NPLOC4: variants seen among roughly 807,000 people sequenced by gnomAD.
The protein encoded by NPLOC4 is NPL4 homolog, ubiquitin recognition factor.
Under a neutral mutation model 80.6 loss-of-function variants are expected in NPLOC4, and 18 were observed. The ratio of observed to expected loss-of-function variants is 0.22; its 90% CI spans 0.15 to 0.33. The LOEUF (loss-of-function observed/expected upper bound fraction) is 0.33, where lower values mean the gene tolerates loss of function less well. NPLOC4 is among the 10% of genes least tolerant of loss of function. The pLI, the probability that NPLOC4 is intolerant of heterozygous loss-of-function variation, is 1.00. For missense variants in NPLOC4, 540 were observed against 786.1 expected (o/e 0.69, Z 3.74); for synonymous variants, 313 against 301.5 (o/e 1.04, Z -0.39).
chr17:81,606,870 C>A (rs2035217792), intron 6 of NPLOC4, 56 bp from the exon 7 acceptor site: 2 of 1,531,656 alleles, frequency 1.3e-6, no homozygotes, highest in Non-Finnish European at 1.8e-6. Context: ...GAGCAAGAGG[C>A]TGGAAATGAC....
chr17:81,592,846 T>C (rs1340525312), intron 11 of NPLOC4, among the ~76,000 whole-genome samples: 1 of 152,136 alleles, frequency 6.6e-6, no homozygotes, highest in African/African-American at 2.4e-5. Flanking sequence ...TGGCCGGGTG[T>C]GTTGGCATGC....
intron 8 of NPLOC4, among the ~76,000 whole-genome samples, chr17:81,602,940 T>C (rs1459123231): frequency 6.7e-6 from 1 of 149,832 alleles, no homozygotes; most frequent in Admixed American, 6.7e-5. Flanking sequence ...CACATATATA[T>C]ATACACACAC....
chr17:81,619,334 G>A (rs1282660402), intron 3 of NPLOC4, among the ~76,000 whole-genome samples: 2 of 151,560 alleles, frequency 1.3e-5, no homozygotes, highest in Non-Finnish European at 2.9e-5. Context: ...CTGAAATCGC[G>A]CCACTGGACT....
At chr17:81,617,531 C>A (rs1322012540) in intron 3 of NPLOC4, among the ~76,000 whole-genome samples, 1 of 152,116 alleles carries the variant, frequency 6.6e-6, no homozygotes, top group Non-Finnish European at 1.5e-5. Flanking sequence ...AAAATTAGGC[C>A]GGGCACAGTG....
chr17:81,559,000 C>A lies in NPLOC4; in HGVS notation c.*259G>T. The A allele has an allele frequency of 4.7e-6, 2 of 421,436 alleles. No homozygotes were observed. Among genetic ancestry groups the A allele is most frequent in the South Asian group, 4.6e-5 (1 of 21,760 alleles). The allele number at this position is 421,436 out of a possible 1,614,324, so 26.1% of individuals were successfully genotyped here. A position where few individuals can be genotyped will look rare whatever the true frequency, so the allele number is the denominator to read the frequency against. ...TCCAACACGGCGGGGGACTTGTCAA[C>A]AGGATTAGGCGTGAGGAGCCGCTCT... On this transcript the variant is annotated 3_prime_UTR_variant, in exon 17 of 17. Coordinates refer to ENST00000331134, the MANE Select transcript of NPLOC4 (RefSeq NM_017921.4).
At chr17:81,559,791 G>A (rs868749986) in intron 16 of NPLOC4, among the ~76,000 whole-genome samples, 1 of 144,970 alleles carries the variant, frequency 6.9e-6, no homozygotes, top group Non-Finnish European at 1.5e-5. Context: ...GGAGTGCAGT[G>A]GCACGATCTC....
chr17:81,577,748 A>G lies in NPLOC4; in HGVS notation c.1282-5660T>C, dbSNP rs2034339792. On this transcript the variant is annotated intron_variant, in intron 12 of 16. Coordinates refer to ENST00000331134, the MANE Select transcript of NPLOC4 (RefSeq NM_017921.4). The surrounding 1 kb of genome is among the most constrained non-coding windows in gnomAD (Gnocchi z 4.3). ...ATGGCTCTACTCTGGCACCAGTGCC[A>G]ACCCTGCTCCCCAAAACCAGGAACC... Among the ~76,000 whole-genome samples the G allele has an allele frequency of 6.6e-6, 1 of 152,164 alleles. No individual in the cohort carries two copies. The highest frequency in any genetic ancestry group is 1.5e-5 in the Non-Finnish European group (1 of 68,026).
intron 4 of NPLOC4, among the ~76,000 whole-genome samples, chr17:81,611,261 G>A (rs112364254): frequency 0.27 from 40,624 of 151,936 alleles, 6,452 homozygotes; most frequent in Non-Finnish European, 0.36. Flanking sequence ...CAAAGGTTGC[G>A]ATGAGCTGAG....
In NPLOC4 at chr17:81,580,971, C is replaced by T. The variant is rs1034675090; in HGVS notation, c.1281+7973G>A. ...AGACATGGCATGGAAGTACAAAATCCCCAGTGGCCCTGGGCCAGCCCACCC... is the reference window on the plus strand; with the variant it reads ...AGACATGGCATGGAAGTACAAAATCTCCAGTGGCCCTGGGCCAGCCCACCC... On this transcript the variant is annotated intron_variant, in intron 12 of 16. Coordinates refer to ENST00000331134, the MANE Select transcript of NPLOC4 (RefSeq NM_017921.4). This position sits in a 1 kb window ranked among gnomAD's most constrained non-coding sequence, Gnocchi z 4.4. Among the ~76,000 whole-genome samples the T allele has an allele frequency of 2.0e-5, 3 of 152,170 alleles. No individual in the cohort carries two copies. The highest frequency in any genetic ancestry group is 6.5e-5 in the Admixed American group (1 of 15,280).
chr17:81,609,890 G>C (rs562089363), intron 5 of NPLOC4, among the ~76,000 whole-genome samples: 8 of 152,304 alleles, frequency 5.3e-5, no homozygotes, highest in Middle Eastern at 3.4e-3. Context: ...ACAATGATAA[G>C]CACGGAGGCC....
chr17:81,606,848 T>C, intron 6 of NPLOC4, 34 bp from the exon 7 acceptor site: 1 of 1,595,338 alleles, frequency 6.3e-7, no homozygotes. Context: ...AACATCACAT[T>C]GGTGAAAAGT....
At chr17:81,605,239 C>A (rs1418856458) in intron 7 of NPLOC4, among the ~76,000 whole-genome samples, 3 of 149,938 alleles carry the variant, frequency 2.0e-5, no homozygotes, top group African/African-American at 7.4e-5. Context: ...TGAGATGGCG[C>A]CACTGCACTC....
rs148815976 is a variant in NPLOC4, at chr17:81,611,937, G to A, written c.386+1381C>T. On this transcript the variant is annotated intron_variant, in intron 4 of 16. Coordinates refer to ENST00000331134, the MANE Select transcript of NPLOC4 (RefSeq NM_017921.4). ...GTCGCGCCACTGCACTCCAGCCTGG[G>A]TGACAGAGCGAGAGTCCATCTCAAA... 6.4e-3 allele frequency among the ~76,000 whole-genome samples: 936 copies of A among 146,536 alleles called. 12 individuals carry two copies. The highest frequency in any genetic ancestry group is 0.022 in the African/African-American group (874 of 39,162).
At position 81,589,081 on chromosome 17, in the gene NPLOC4, A is replaced by G; in HGVS notation, c.1144T>C (p.Phe382Leu). The change falls in exon 12 of 17, where the codon TTT (phenylalanine) becomes CTT (leucine). Residue 382 changes from phenylalanine to leucine, a missense_variant. Transcript: ENST00000331134. ...TGATTGGACACCTGGTACCCTTCAA[A>G]GTGGACTTGGTTGTCAGGACCACCT... ...ATGGPDNQVHFEGYQVSNQCM... is the reference protein window; with the variant it reads ...ATGGPDNQVHLEGYQVSNQCM... 1 of 1,613,194 alleles carries G rather than the reference A, an allele frequency of 6.2e-7. No homozygotes were observed.
At chr17:81,595,363 G>A (rs372168431) in intron 11 of NPLOC4, among the ~76,000 whole-genome samples, 1 of 150,248 alleles carries the variant, frequency 6.7e-6, no homozygotes, top group Non-Finnish European at 1.5e-5. Flanking sequence ...GAACCCAGGA[G>A]GCGGACGTTG....
rs115037544 is a variant in NPLOC4, at chr17:81,592,223, G to A, written c.1121-3119C>T. Among the ~76,000 whole-genome samples, 1,403 of 152,290 alleles carry A rather than the reference G, an allele frequency of 9.2e-3. 21 individuals are homozygous for A. The highest frequency in any genetic ancestry group is 0.031 in the African/African-American group (1,307 of 41,566). ...TCCTGTCTAAGGAGGGATGTGGGAC[G>A]GGAATGCAACAAGTACAATTTCCAA... On this transcript the variant is annotated intron_variant, in intron 11 of 16. Coordinates refer to ENST00000331134, the MANE Select transcript of NPLOC4 (RefSeq NM_017921.4).
At position 81,604,642 on chromosome 17, in the gene NPLOC4, T is replaced by C; in HGVS notation, c.740A>G (p.Gln247Arg). The change falls in exon 8 of 17, where the codon CAG (glutamine) becomes CGG (arginine). Residue 247 changes from glutamine (Q) to arginine (R), a missense_variant. By Grantham distance (43) the Gln-to-Arg change is conservative. Around this residue, in one of 6 missense-constraint regions of NPLOC4, gnomAD observed 61 missense variants for 156.7 expected, o/e 0.39. Transcript: ENST00000331134. Reference protein sequence around the residue: ...FLDFWRKTGNQHFGYLYGRYT... With the variant: ...FLDFWRKTGNRHFGYLYGRYT... Reference sequence around the variant, plus strand: ...CCGTCCGTATAAGTACCCAAAATGCTGGTTCCCTGTCTTTCTCCAGAAGTC... The same window carrying C: ...CCGTCCGTATAAGTACCCAAAATGCCGGTTCCCTGTCTTTCTCCAGAAGTC... The C allele has an allele frequency of 6.2e-7, 1 of 1,613,988 alleles. No homozygotes were observed.
At chr17:81,611,553 T>C (rs1024435115) in intron 4 of NPLOC4, among the ~76,000 whole-genome samples, 3 of 151,526 alleles carry the variant, frequency 2.0e-5, no homozygotes, top group Non-Finnish European at 2.9e-5. Flanking sequence ...TTTCACCATA[T>C]TGGTCAGGCT....
chr17:81,624,571 C>A (rs1222170582), intron 2 of NPLOC4, among the ~76,000 whole-genome samples: 4 of 151,970 alleles, frequency 2.6e-5, no homozygotes, highest in Admixed American at 2.0e-4. Flanking sequence ...ACACTCTAGC[C>A]TGGGCAACGG....
Sources: allele counts gnomAD v4.1 joint callset (sites outside exome capture counted in the v4.1 genomes callset), GRCh38; gene constraint gnomAD v4.1.1; regional missense constraint gnomAD v4.1.1; non-coding constraint Gnocchi (gnomAD v3.1); transcripts MANE v1.5; gene names NCBI Gene and HGNC (gene_info 2026-07-23, HGNC 2026-07-21).